TYW1B: variants seen among roughly 807,000 people sequenced by gnomAD.
TYW1B encodes tRNA-yW synthesizing protein 1 homolog B, also known as S-adenosyl-L-methionine-dependent tRNA 4-demethylwyosine synthase TYW1B.
A neutral mutation model predicts 86.9 loss-of-function variants in TYW1B; 73 were observed. That is an observed-to-expected ratio of 0.84 (90% CI 0.70 to 1.02). The LOEUF is 1.02. TYW1B is among the 50% of genes least tolerant of loss of function. The probability of loss-of-function intolerance (pLI) is 0.00; values close to 1 mark genes in which losing one functional copy is unlikely to be tolerated. For missense variants in TYW1B, 637 were observed against 827.4 expected, an observed-to-expected ratio of 0.77 and a Z score of 2.82; for synonymous variants, 248 against 292.8, an observed-to-expected ratio of 0.85 and a Z score of 1.56.
chr7:72,780,612 C>T (rs1554471460), intron 6 of TYW1B, among the ~76,000 whole-genome samples: 1 of 152,110 alleles, frequency 6.6e-6, no homozygotes, highest in African/African-American at 2.4e-5. Flanking sequence ...CAAAGGACGG[C>T]CATGGAATAC....
chr7:72,797,311 A>G (rs1554474628), intron 6 of TYW1B, among the ~76,000 whole-genome samples: 1 of 152,148 alleles, frequency 6.6e-6, no homozygotes, highest in Non-Finnish European at 1.5e-5. Flanking sequence ...ATTTAACCCA[A>G]TAGTGCTTGC....
At chr7:72,695,279 G>A (rs1233935762) in intron 10 of TYW1B, among the ~76,000 whole-genome samples, 1 of 152,022 alleles carries the variant, frequency 6.6e-6, no homozygotes, top group Non-Finnish European at 1.5e-5. Flanking sequence ...AATCCCAAAA[G>A]CTCAGGCCTT....
chr7:72,701,925 G>A (rs1213517045), intron 10 of TYW1B, among the ~76,000 whole-genome samples: 2 of 152,070 alleles, frequency 1.3e-5, no homozygotes, highest in African/African-American at 4.8e-5. Context: ...CTTGGTTTTC[G>A]CTGCCTGCTT....
rs1281875947 is a variant in TYW1B at position 72,575,735 on chromosome 7, T to A, written c.1786-16A>T. On this transcript the variant is annotated splice_polypyrimidine_tract_variant and intron_variant, in intron 13 of 13. Transcript: ENST00000620995. ...CAATTTTAAACTGGAAAGAAAAAAA[T>A]GTGTCAAGTCAGAAGTAAAAACATC... 2 of 1,588,786 alleles carry A rather than the reference T, an allele frequency of 1.3e-6. No individual in the cohort carries two copies. The highest frequency in any genetic ancestry group is 2.7e-5 in the African/African-American group (2 of 73,390).
At chr7:72,667,502 C>T (rs1813494537) in intron 11 of TYW1B, among the ~76,000 whole-genome samples, 1 of 152,110 alleles carries the variant, frequency 6.6e-6, no homozygotes, top group Admixed American at 6.6e-5. Context: ...ATAGCTTCAG[C>T]TCAGAGTTCT....
chr7:72,732,586 G>A (rs542242464), intron 8 of TYW1B, among the ~76,000 whole-genome samples: 22 of 152,204 alleles, frequency 1.4e-4, no homozygotes, highest in African/African-American at 5.1e-4. Flanking sequence ...AGAAGCAAAT[G>A]TCAAAACTTA....
chr7:72,669,586 C>T (rs1554445956), intron 11 of TYW1B, among the ~76,000 whole-genome samples: 1 of 151,692 alleles, frequency 6.6e-6, no homozygotes, highest in Non-Finnish European at 1.5e-5. Flanking sequence ...GCCAACATGG[C>T]GAAACCCTGC....
At position 72,772,285 on chromosome 7, in the gene TYW1B, C is replaced by T. The variant is rs1192894199; in HGVS notation, c.964+5131G>A. Among the ~76,000 whole-genome samples, 3 of 152,152 alleles carry T rather than the reference C, an allele frequency of 2.0e-5. No homozygotes were observed. The East Asian group carries it at 5.8e-4, about 29-fold the overall frequency. ...ACACATAAACTTGACCAAAAACACA[C>T]AGAGCCCTGCACTCATCAACTACAG... On this transcript the variant is annotated intron_variant, in intron 7 of 13. Coordinates refer to ENST00000620995, the MANE Select transcript of TYW1B (RefSeq NM_001145440.3).
chr7:72,763,135 T>C (rs1787712902), intron 7 of TYW1B, among the ~76,000 whole-genome samples: 1 of 152,028 alleles, frequency 6.6e-6, no homozygotes, highest in Non-Finnish European at 1.5e-5. Flanking sequence ...AAGTTTTCTT[T>C]GCATTTTTGG....
intron 6 of TYW1B, among the ~76,000 whole-genome samples, chr7:72,794,289 C>T (rs1554474100): frequency 6.6e-6 from 1 of 152,168 alleles, no homozygotes; most frequent in Non-Finnish European, 1.5e-5. Context: ...GGTGCAGTGG[C>T]TCACGCCTGG....
At chr7:72,760,794 T>C (rs1554467049) in intron 7 of TYW1B, among the ~76,000 whole-genome samples, 1 of 152,180 alleles carries the variant, frequency 6.6e-6, no homozygotes, top group Non-Finnish European at 1.5e-5. Context: ...TTGTCTCTAC[T>C]AGACATTTTA....
intron 11 of TYW1B, among the ~76,000 whole-genome samples, chr7:72,677,755 G>A (rs1285957150): frequency 6.6e-6 from 1 of 152,054 alleles, no homozygotes; most frequent in African/African-American, 2.4e-5. Context: ...AGGCTGGAGT[G>A]CAGTAGCGTG....
chr7:72,582,406 C>G (rs1311401977), intron 13 of TYW1B, among the ~76,000 whole-genome samples: 2 of 152,154 alleles, frequency 1.3e-5, no homozygotes, highest in African/African-American at 4.8e-5. Context: ...GCAAGGAAAG[C>G]TGAAAGACAG....
intron 11 of TYW1B, among the ~76,000 whole-genome samples, chr7:72,642,794 A>G (rs1812834039): frequency 6.6e-6 from 1 of 152,134 alleles, no homozygotes; most frequent in Non-Finnish European, 1.5e-5. Context: ...CCAGCTACTC[A>G]GGAGGCTGAG....
intron 12 of TYW1B, among the ~76,000 whole-genome samples, chr7:72,623,810 A>T (rs1267609479): frequency 6.6e-5 from 10 of 151,204 alleles, no homozygotes; most frequent in Non-Finnish European, 4.4e-5. Flanking sequence ...TTATTTATTA[A>T]TTTTTTTTTG....
At chr7:72,734,645 A>G (rs1379102031) in intron 8 of TYW1B, among the ~76,000 whole-genome samples, 3 of 152,216 alleles carry the variant, frequency 2.0e-5, no homozygotes, top group Non-Finnish European at 4.4e-5. Flanking sequence ...ACTGCAAAGG[A>G]AACAATCAAC....
chr7:72,703,594 C>T (rs1814542950), intron 10 of TYW1B, among the ~76,000 whole-genome samples: 2 of 151,906 alleles, frequency 1.3e-5, no homozygotes, highest in South Asian at 2.1e-4. Context: ...GTGGCTCATG[C>T]CTGTAATCCC....
rs529913268 is a variant in TYW1B at position 72,693,969 on chromosome 7, T to G, written c.1506+718A>C. On this transcript the variant is annotated intron_variant, in intron 11 of 13. Coordinates refer to ENST00000620995, the MANE Select transcript of TYW1B (RefSeq NM_001145440.3). Reference sequence around the variant, plus strand: ...TGCCATTTTATTTTTATTATTTATTTATTTTTTTTGAGACAGAGTCTCACT... The same window carrying G: ...TGCCATTTTATTTTTATTATTTATTGATTTTTTTTGAGACAGAGTCTCACT... Among the ~76,000 whole-genome samples, 20 of 152,228 alleles carry G rather than the reference T, an allele frequency of 1.3e-4. No individual in the cohort carries two copies. The South Asian group carries it at 3.5e-3, about 27-fold the overall frequency.
intron 13 of TYW1B, among the ~76,000 whole-genome samples, chr7:72,578,162 G>A (rs1170796956): frequency 1.4e-5 from 2 of 146,160 alleles, no homozygotes; most frequent in Non-Finnish European, 3.0e-5. Context: ...CACCCAGGCT[G>A]GAGTGCAGTG....
Sources: gnomAD v4.1 joint callset for allele counts (sites outside exome capture counted in the v4.1 genomes callset) on GRCh38, gnomAD v4.1.1 for gene constraint, MANE v1.5 for transcripts, NCBI Gene and HGNC (gene_info 2026-07-23, HGNC 2026-07-21) for gene names.